The following LNX1 variants were observed in gnomAD, a reference collection of about 807,000 sequenced individuals.
LNX1 encodes E3 ubiquitin-protein ligase LNX.
A neutral mutation model predicts 68.4 loss-of-function variants in LNX1; 54 were observed. That is an observed-to-expected ratio of 0.79 (90% CI 0.63 to 0.99). LNX1 has a LOEUF of 0.99. LNX1 is among the 50% of genes least tolerant of loss of function. The pLI is 0.00. For missense variants in LNX1, 906 were observed against 926.4 expected (o/e 0.98, Z 0.29); for synonymous variants, 336 against 350.0 (o/e 0.96, Z 0.45).
intron 1 of LNX1, among the ~76,000 whole-genome samples, chr4:53,647,995 G>A (rs1734951228): frequency 6.6e-6 from 1 of 152,160 alleles, no homozygotes; most frequent in South Asian, 2.1e-4. Flanking sequence ...ACTACATTTT[G>A]TTATCCATTC....
intron 1 of LNX1, among the ~76,000 whole-genome samples, chr4:53,590,610 A>G (rs1732452764): frequency 6.6e-6 from 1 of 152,208 alleles, no homozygotes. Context: ...CTTCCTCGGT[A>G]TATTTGCTAT....
intron 9 of LNX1, among the ~76,000 whole-genome samples, chr4:53,465,862 C>A (rs987848831): frequency 2.0e-5 from 3 of 152,088 alleles, no homozygotes; most frequent in Admixed American, 6.5e-5. Context: ...TCACAAATAC[C>A]TTGGCAATGT....
chr4:53,650,957 C>T (rs1735075416), intron 1 of LNX1, among the ~76,000 whole-genome samples: 2 of 152,152 alleles, frequency 1.3e-5, no homozygotes, highest in East Asian at 1.9e-4. Flanking sequence ...AAAGACTTCA[C>T]ATGCATAATC....
intron 2 of LNX1, among the ~76,000 whole-genome samples, chr4:53,541,797 G>C (rs75119916): frequency 7.5e-4 from 114 of 152,270 alleles, no homozygotes; most frequent in African/African-American, 2.6e-3. Context: ...ACAAGTAAAA[G>C]AGGCAAACAC....
At chr4:53,649,217 A>G (rs1735001941) in intron 1 of LNX1, among the ~76,000 whole-genome samples, 3 of 152,198 alleles carry the variant, frequency 2.0e-5, no homozygotes, top group Admixed American at 2.0e-4. Context: ...CTGCTTCACC[A>G]GTGCCCTAAC....
chr4:53,581,043 C>T (rs1318330594), intron 1 of LNX1, among the ~76,000 whole-genome samples: 5 of 152,070 alleles, frequency 3.3e-5, no homozygotes, highest in African/African-American at 1.2e-4. Flanking sequence ...GATGGAGAGG[C>T]AATGGGAGGA....
chr4:53,583,490 A>G (rs1231461568), intron 1 of LNX1, among the ~76,000 whole-genome samples: 8 of 152,084 alleles, frequency 5.3e-5, no homozygotes, highest in Admixed American at 5.2e-4. Flanking sequence ...GGACTAAGCC[A>G]CTCATTAATG....
chr4:53,512,286 T>G (rs1726403676), intron 2 of LNX1, among the ~76,000 whole-genome samples: 1 of 150,708 alleles, frequency 6.6e-6, no homozygotes, highest in Non-Finnish European at 1.5e-5. Context: ...ATTTTAAGAT[T>G]CGAAAATCTT....
chr4:53,633,143 T>C (rs1405428103), intron 1 of LNX1, among the ~76,000 whole-genome samples: 1 of 152,210 alleles, frequency 6.6e-6, no homozygotes, highest in East Asian at 1.9e-4. Context: ...GCCCTCTCTA[T>C]ATAATGCAGG....
At position 53,624,189 on chromosome 4, in the gene LNX1, T is replaced by C. The variant is rs143640763; in HGVS notation, c.-215+27979A>G. On this transcript the variant is annotated intron_variant, in intron 1 of 2. Coordinates refer to the LNX1 transcript ENST00000507168. ...TCTTTACATGACTCTTTTATACCTT[T>C]CCAATCATTAGCCTATTTCTCTCTT... Among the ~76,000 whole-genome samples, 8 of 152,314 alleles carry C rather than the reference T, an allele frequency of 5.3e-5. No homozygotes were observed. The East Asian group carries it at 1.2e-3, about 22-fold the overall frequency.
intron 2 of LNX1, among the ~76,000 whole-genome samples, chr4:53,562,111 A>G (rs1730333315): frequency 6.6e-6 from 1 of 152,236 alleles, no homozygotes; most frequent in African/African-American, 2.4e-5. Flanking sequence ...AATACTGTGT[A>G]TGCAGATGAT....
chr4:53,645,583 C>A (rs1238060518), intron 1 of LNX1, among the ~76,000 whole-genome samples: 1 of 152,214 alleles, frequency 6.6e-6, no homozygotes, highest in East Asian at 1.9e-4. Flanking sequence ...TACTTTCTCT[C>A]TAACCAGCTC....
At chr4:53,609,622 A>ATAACAT (rs1733390219) in intron 2 of LNX1, among the ~76,000 whole-genome samples, 4 of 145,952 alleles carry the variant, frequency 2.7e-5, no homozygotes, top group Admixed American at 6.9e-5. Context: ...ATATGTTATA[A>ATAACAT]ATAGTATATA....
chr4:53,558,282 G>T, intron 2 of LNX1: 1 of 1,131,854 alleles, frequency 8.8e-7, no homozygotes, highest in East Asian at 6.1e-5. Flanking sequence ...ACTGGTTCTT[G>T]GGAAGCAGCT....
chr4:53,625,591 A>G (rs778063962), intron 1 of LNX1, among the ~76,000 whole-genome samples: 10 of 152,120 alleles, frequency 6.6e-5, no homozygotes, highest in Non-Finnish European at 1.3e-4. Flanking sequence ...GGGCCCAGGA[A>G]TTTGACACCA....
intron 2 of LNX1, among the ~76,000 whole-genome samples, chr4:53,566,778 G>A (rs1303401232): frequency 1.7e-4 from 26 of 149,988 alleles, no homozygotes; most frequent in African/African-American, 6.1e-4. Flanking sequence ...GACACACATA[G>A]GCTCAAAATA....
chr4:53,551,017 G>A (rs931125921), intron 2 of LNX1, among the ~76,000 whole-genome samples: 1 of 152,174 alleles, frequency 6.6e-6, no homozygotes, highest in Non-Finnish European at 1.5e-5. Context: ...GTTGCATGAA[G>A]TCTGTGCAGT....
intron 6 of LNX1, among the ~76,000 whole-genome samples, chr4:53,489,053 A>C (rs1724512186): frequency 6.6e-6 from 1 of 152,208 alleles, no homozygotes; most frequent in Admixed American, 6.5e-5. Context: ...GAGTTTGGTC[A>C]GAGCAAATCT....
At chr4:53,470,061 T>C (rs940332336) in intron 9 of LNX1, among the ~76,000 whole-genome samples, 1 of 152,132 alleles carries the variant, frequency 6.6e-6, no homozygotes, top group African/African-American at 2.4e-5. Context: ...GAGACCAATA[T>C]CCTGGATGAA....
Sources: gnomAD v4.1 joint callset for allele counts (sites outside exome capture counted in the v4.1 genomes callset) on GRCh38, gnomAD v4.1.1 for gene constraint, MANE v1.5 for transcripts, NCBI Gene and HGNC (gene_info 2026-07-23, HGNC 2026-07-21) for gene names.